ABHD18: variants seen among roughly 807,000 people sequenced by gnomAD.
ABHD18 encodes the protein cardiolipin-specific deacylase, mitochondrial.
A neutral mutation model predicts 65.9 loss-of-function variants in ABHD18; 55 were observed. That is an observed-to-expected ratio of 0.84 (90% CI 0.67 to 1.05). The LOEUF is 1.05. Among genes scored for constraint, ABHD18 ranks in the 50% least tolerant of loss-of-function variants. ABHD18 has a pLI of 0.00. For synonymous variants in ABHD18, 181 were observed against 180.2 expected (o/e 1.00, Z -0.04); for missense variants, 533 against 558.5 (o/e 0.95, Z 0.46).
chr4:127,976,237 A>G lies in ABHD18; in HGVS notation c.-17-6702A>G, dbSNP rs185010456. ...CCCAGGGGTCAGGAAGCTATGGCCTATTGTTCAACCTGCCTGTTTTTCTAT... is the reference window on the plus strand; with the variant it reads ...CCCAGGGGTCAGGAAGCTATGGCCTGTTGTTCAACCTGCCTGTTTTTCTAT... On this transcript the variant is annotated intron_variant, in intron 1 of 12. Coordinates refer to ENST00000645843, the MANE Select transcript of ABHD18 (RefSeq NM_001358451.3). Among the ~76,000 whole-genome samples, 476 of 152,274 alleles carry G rather than the reference A, an allele frequency of 3.1e-3. 2 individuals carry two copies. Among genetic ancestry groups the G allele is most frequent in the South Asian group, 6.0e-3 (29 of 4,824 alleles).
chr4:128,029,385 C>G (rs1757877191), intron 11 of ABHD18, among the ~76,000 whole-genome samples: 1 of 151,836 alleles, frequency 6.6e-6, no homozygotes, highest in Non-Finnish European at 1.5e-5. Context: ...TACACACACT[C>G]TCACACACTC....
intron 4 of ABHD18, among the ~76,000 whole-genome samples, chr4:128,007,296 C>T (rs887673263): frequency 2.1e-5 from 3 of 142,672 alleles, no homozygotes; most frequent in Non-Finnish European, 4.5e-5. Context: ...AATTGTGTCA[C>T]CCAATTATGG....
chr4:127,992,959 C>A (rs1751171973), intron 4 of ABHD18, among the ~76,000 whole-genome samples: 1 of 152,064 alleles, frequency 6.6e-6, no homozygotes, highest in Non-Finnish European at 1.5e-5. Flanking sequence ...AATTATCTGG[C>A]CATGATGGCA....
intron 1 of ABHD18, among the ~76,000 whole-genome samples, chr4:127,967,294 A>T (rs116439390): frequency 0.03 from 4,630 of 152,048 alleles, 104 homozygotes; most frequent in Non-Finnish European, 0.049. Flanking sequence ...GAAGGCAGGG[A>T]GATTAAGTAA....
At chr4:128,007,328 T>TAAAA (rs750294558) in intron 4 of ABHD18, among the ~76,000 whole-genome samples, 1 of 58,818 alleles carries the variant, frequency 1.7e-5, no homozygotes, top group Non-Finnish European at 3.6e-5. Context: ...ACCTTGTCTC[T>TAAAA]AAAAAAAAAA....
chr4:128,027,642 G>A (rs1270397678), intron 10 of ABHD18, among the ~76,000 whole-genome samples: 1 of 152,116 alleles, frequency 6.6e-6, no homozygotes, highest in Non-Finnish European at 1.5e-5. Flanking sequence ...CTGACCTCGT[G>A]ATCCGCCTGC....
Position 127,984,323 on chromosome 4 carries a change from T to G in ABHD18, c.93-16T>G. On this transcript the variant is annotated splice_polypyrimidine_tract_variant and intron_variant, in intron 2 of 12. Coordinates refer to ENST00000645843, the MANE Select transcript of ABHD18 (RefSeq NM_001358451.3). Reference sequence around the variant, plus strand: ...AAAGATTAATTTTTTCCTTTTTGTCTTCTTTCCCATAATAGACTCTTTGAA... The same window carrying G: ...AAAGATTAATTTTTTCCTTTTTGTCGTCTTTCCCATAATAGACTCTTTGAA... The G allele has an allele frequency of 1.3e-6, 2 of 1,517,200 alleles. No individual in the cohort carries two copies. Among genetic ancestry groups the G allele is most frequent in the African/African-American group, 2.8e-5 (2 of 72,362 alleles). 94.0% of individuals were successfully genotyped at this position (1,517,200 alleles called of 1,614,324 possible).
rs1402130350 is a variant in ABHD18, at chr4:128,011,690, A to G, written c.460A>G (p.Lys154Glu). 4 of 1,551,240 alleles carry G rather than the reference A, an allele frequency of 2.6e-6. No individual in the cohort carries two copies. In the African/African-American group the frequency reaches 5.5e-5, roughly 21 times the overall value. Residue 154 changes from lysine (K) to glutamate (E), a missense_variant, in exon 7 of 13, where the codon AAG (lysine) becomes GAG (glutamate). Physicochemically the swap from Lys to Glu is moderately conservative, Grantham distance 56. Coordinates refer to ENST00000645843, the MANE Select transcript of ABHD18 (RefSeq NM_001358451.3). ...ENPYYGCRKP[K>E]DQVRSSLKNV... The stretch of plus-strand genomic sequence containing the variant: ...ATTCTTAAATGGCTGCAGGAAACCC[A>G]AGGACCAAGTGTAAGTATATATCAC...
At chr4:127,999,656 TGTTTAA>T (rs1246866243) in intron 4 of ABHD18, among the ~76,000 whole-genome samples, 1 of 152,186 alleles carries the variant, frequency 6.6e-6, no homozygotes, top group African/African-American at 2.4e-5. Context: ...TTTGTTAAAT[TGTTTAA>T]GTTTATTATA....
intron 7 of ABHD18, among the ~76,000 whole-genome samples, chr4:128,012,650 A>G (rs1201508834): frequency 2.0e-5 from 3 of 152,182 alleles, no homozygotes; most frequent in African/African-American, 7.2e-5. Context: ...TGAGAACATG[A>G]TATAATGAGA....
At position 128,017,352 on chromosome 4, in the gene ABHD18, T is replaced by C. The variant is rs767800977; in HGVS notation, c.471-11T>C. 6.2e-7 allele frequency: 1 copy of C among 1,605,722 alleles called. No individual in the cohort carries two copies. Among genetic ancestry groups the C allele is most frequent in the Non-Finnish European group, 8.5e-7 (1 of 1,177,950 alleles). On this transcript the variant is annotated splice_polypyrimidine_tract_variant and intron_variant, in intron 7 of 12. Coordinates refer to ENST00000645843, the MANE Select transcript of ABHD18 (RefSeq NM_001358451.3). ...AAAATAATCATTTTCTATTTTGTTTTGTGAGGCTAGAAGGTCCAGCTTAAA... is the reference window on the plus strand; with the variant it reads ...AAAATAATCATTTTCTATTTTGTTTCGTGAGGCTAGAAGGTCCAGCTTAAA...
intron 2 of ABHD18, 37 bp from the exon 3 acceptor site, chr4:127,984,302 A>G (rs969538914): frequency 7.6e-7 from 1 of 1,311,422 alleles, no homozygotes; most frequent in Non-Finnish European, 1.1e-6. Context: ...GATATAAAAG[A>G]TTAATTTTTT....
In ABHD18 at chr4:127,988,391, C is replaced by T. The variant is rs138361396; in HGVS notation, c.178-1330C>T. On this transcript the variant is annotated intron_variant, in intron 3 of 12. Transcript: ENST00000645843. ...GACCACAACCACATGCCACCACGTT[C>T]AGCTAATTTTTGTATTTTTTGTAGA... Among the ~76,000 whole-genome samples the T allele has an allele frequency of 4.1e-4, 62 of 152,178 alleles. 1 individual carries two copies. The East Asian group carries it at 0.012, about 29-fold the overall frequency.
At chr4:127,979,309 A>G (rs1748541161) in intron 1 of ABHD18, among the ~76,000 whole-genome samples, 1 of 152,176 alleles carries the variant, frequency 6.6e-6, no homozygotes, top group African/African-American at 2.4e-5. Context: ...TAATCCCAAC[A>G]CTTTGGGGAG....
chr4:128,018,788 C>T (rs1755955493), intron 8 of ABHD18, among the ~76,000 whole-genome samples: 1 of 151,978 alleles, frequency 6.6e-6, no homozygotes, highest in Non-Finnish European at 1.5e-5. Context: ...CCGAGGCGGG[C>T]AGATCACCTG....
Position 128,037,757 on chromosome 4 carries a change from C to T in ABHD18, c.*1944C>T, listed in dbSNP as rs906820675. ...GCTTTTAATTTCAAAATTTAATAGA[C>T]ACATATGCAATTGATTTGTCCCATA... On this transcript the variant is annotated 3_prime_UTR_variant, in exon 13 of 13. Transcript: ENST00000645843. 1.3e-5 allele frequency: 2 copies of T among 151,984 alleles called. No individual in the cohort carries two copies. The highest frequency in any genetic ancestry group is 4.8e-5 in the African/African-American group (2 of 41,398). 9.4% of individuals were successfully genotyped at this position (151,984 alleles called of 1,614,324 possible).
chr4:127,997,674 A>G (rs1751959535), intron 4 of ABHD18, among the ~76,000 whole-genome samples: 2 of 152,330 alleles, frequency 1.3e-5, no homozygotes, highest in South Asian at 2.1e-4. Context: ...GCAGTGTACC[A>G]CCTGGCGGCA....
At position 127,992,429 on chromosome 4, in the gene ABHD18, C is replaced by T. The variant is rs572520066; in HGVS notation, c.278+2608C>T. Among the ~76,000 whole-genome samples the T allele has an allele frequency of 2.7e-3, 409 of 151,730 alleles. 3 individuals are homozygous for T. The highest frequency in any genetic ancestry group is 8.4e-3 in the African/African-American group (349 of 41,342). On this transcript the variant is annotated intron_variant, in intron 4 of 12. Coordinates refer to ENST00000645843, the MANE Select transcript of ABHD18 (RefSeq NM_001358451.3). ...GGCCGAGGTTGCAGTGAGCTGAGAT[C>T]GTGCCATTGGACTCCAGGCTAGGTG...
In ABHD18 at chr4:128,005,332, A is replaced by C. The variant is rs79205785; in HGVS notation, c.279-3588A>C. ...ATCATCAGCTGATTTCCTATTACTT[A>C]GATTCATAGGTAGCTGGAATTGAGA... is the stretch of plus-strand genomic sequence containing the variant. On this transcript the variant is annotated intron_variant, in intron 4 of 12. Transcript: ENST00000645843. Among the ~76,000 whole-genome samples, 408 of 152,272 alleles carry C rather than the reference A, an allele frequency of 2.7e-3. 4 individuals carry two copies. The highest frequency in any genetic ancestry group is 9.5e-3 in the African/African-American group (396 of 41,544).
Sources: allele counts gnomAD v4.1 joint callset (sites outside exome capture counted in the v4.1 genomes callset), GRCh38; gene constraint gnomAD v4.1.1; transcripts MANE v1.5; gene names NCBI Gene and HGNC (gene_info 2026-07-23, HGNC 2026-07-21).